Variants in DHX8 observed in about 807,000 individuals in gnomAD.
The protein encoded by DHX8 is ATP-dependent RNA helicase DHX8.
In DHX8, 67 loss-of-function variants were observed where a neutral mutation model predicts 140.7. The observed-to-expected ratio is 0.48, with a 90% CI of 0.39 to 0.58. The LOEUF (loss-of-function observed/expected upper bound fraction) is 0.58. DHX8 is among the 20% of genes least tolerant of loss of function. The pLI is 0.00. For missense variants in DHX8, 887 were observed against 1,550.7 expected, an observed-to-expected ratio of 0.57 and a Z score of 7.19; for synonymous variants, 533 against 553.2, an observed-to-expected ratio of 0.96 and a Z score of 0.51.
At chr17:43,533,828 T>G in intron 2 of DHX8, 1 of 1,604,958 alleles carries the variant, frequency 6.2e-7, no homozygotes, top group Non-Finnish European at 8.5e-7. Context: ...ACCCTTCTCC[T>G]ACCCTTCACC....
chr17:43,539,095 A>G (rs1971394215), intron 3 of DHX8, among the ~76,000 whole-genome samples: 1 of 152,190 alleles, frequency 6.6e-6, no homozygotes, highest in South Asian at 2.1e-4. Context: ...TAGGTGTCAC[A>G]GTGATCTTTT....
rs1969534389 is a variant in DHX8 at position 43,507,010 on chromosome 17, A to T, written c.1736A>T (p.His579Leu). The stretch of plus-strand genomic sequence containing the variant: ...ATATTCTGTTGCTTTCAGGCCGTCC[A>T]TGACAATCAGATCCTGATTGTCATT... Reference protein sequence around the residue: ...KLKEQLVQAVHDNQILIVIGE... With the variant: ...KLKEQLVQAVLDNQILIVIGE... The change falls in exon 13 of 23, where the codon CAT (histidine) becomes CTT (leucine). Residue 579 changes from histidine (H) to leucine (L), a missense_variant. His to Leu is a moderately conservative substitution (Grantham distance 99). Around this residue, in one of 9 missense-constraint regions of DHX8, gnomAD observed 178 missense variants for 398.5 expected, o/e 0.45. Transcript: ENST00000262415. 21 of 1,599,324 alleles carry T rather than the reference A, an allele frequency of 1.3e-5. No individual in the cohort carries two copies. Among genetic ancestry groups the T allele is most frequent in the Non-Finnish European group, 1.8e-5 (21 of 1,172,784 alleles).
intron 15 of DHX8, among the ~76,000 whole-genome samples, 157 bp downstream of exon 15, chr17:43,508,176 T>C (rs933543457): frequency 1.3e-5 from 2 of 152,220 alleles, no homozygotes; most frequent in Admixed American, 6.5e-5. Flanking sequence ...GAAATGATGG[T>C]GGTTATAATG....
At chr17:43,484,591 C>G (rs1344777247) in intron 1 of DHX8, among the ~76,000 whole-genome samples, 1 of 152,216 alleles carries the variant, frequency 6.6e-6, no homozygotes, top group African/African-American at 2.4e-5. Flanking sequence ...TCACGCCACT[C>G]TGTGACATAG....
intron 2 of DHX8, among the ~76,000 whole-genome samples, chr17:43,535,717 A>G (rs1421753221): frequency 1.3e-5 from 2 of 152,228 alleles, no homozygotes; most frequent in Admixed American, 6.5e-5. Context: ...AGACACCAGT[A>G]GCACCCCACC....
In DHX8 at chr17:43,506,197, G is replaced by A. The variant is rs542969371; in HGVS notation, c.1729-806G>A. On this transcript the variant is annotated intron_variant, in intron 12 of 22. Transcript: ENST00000262415. ...TTTTTTGTATTTTTTGTAGAGATGC[G>A]GTCTCACTATATTGTCCAGGCTGGT... 1.1e-4 allele frequency among the ~76,000 whole-genome samples: 17 copies of A among 151,834 alleles called. No individual in the cohort carries two copies. In the South Asian group the frequency reaches 2.5e-3, roughly 22 times the overall value.
At chr17:43,519,066 T>G (rs1970250626) in intron 18 of DHX8, 1 of 152,222 alleles carries the variant, frequency 6.6e-6, no homozygotes, top group South Asian at 2.1e-4. Flanking sequence ...CTGTGAACAT[T>G]AGTGTGCAGG....
chr17:43,530,607 CGCGTGTGTGTGTGTGTGT>C (rs1483448030), downstream of DHX8, among the ~76,000 whole-genome samples: 1 of 138,628 alleles, frequency 7.2e-6, no homozygotes, highest in African/African-American at 2.5e-5. Context: ...TGTGCACGCG[CGCGTGTGTGTGTGTGTGT>C]GTGTGTGTGT....
At chr17:43,505,435 G>T in intron 12 of DHX8, among the ~76,000 whole-genome samples, 1 of 151,824 alleles carries the variant, frequency 6.6e-6, no homozygotes, top group East Asian at 1.9e-4. Flanking sequence ...TGGGTGTGGT[G>T]GTCCATGCCT....
intron 16 of DHX8, among the ~76,000 whole-genome samples, chr17:43,512,638 C>T (rs1335064902): frequency 6.6e-6 from 1 of 152,146 alleles, no homozygotes; most frequent in Non-Finnish European, 1.5e-5. Context: ...AGCAGGGCTT[C>T]TGTAGTTCTG....
downstream of DHX8, chr17:43,528,985 C>T (rs1970736751): frequency 1.9e-5 from 16 of 840,208 alleles, no homozygotes; most frequent in Non-Finnish European, 3.1e-5. Context: ...GGAGGAGAAC[C>T]TTGGGATTCT....
In DHX8 at chr17:43,508,449, C is replaced by G; in HGVS notation, c.2431C>G (p.Pro811Ala). 1 of 1,613,842 alleles carries G rather than the reference C, an allele frequency of 6.2e-7. No individual in the cohort carries two copies. The highest frequency in any genetic ancestry group is 8.5e-7 in the Non-Finnish European group (1 of 1,179,904). Residue 811 changes from proline (P) to alanine (A), a missense_variant, in exon 16 of 23, where the codon CCA (proline) becomes GCA (alanine). Coordinates refer to ENST00000262415, the MANE Select transcript of DHX8 (RefSeq NM_004941.3). Reference protein sequence around the residue: ...GPDVPELIILPVYSALPSEMQ... With the variant: ...GPDVPELIILAVYSALPSEMQ... ...TGATGTTCCAGAGTTAATTATCCTC[C>G]CAGTGTACTCTGCTCTTCCCAGTGA...
chr17:43,509,914 C>T (rs1404139371), intron 16 of DHX8, among the ~76,000 whole-genome samples: 3 of 152,186 alleles, frequency 2.0e-5, no homozygotes, highest in Admixed American at 2.0e-4. Context: ...TGTGATCTGC[C>T]GGTCTCGGCC....
chr17:43,506,869 T>G (rs1969524647), intron 12 of DHX8, 134 bp from the exon 13 acceptor site: 2 of 599,578 alleles, frequency 3.3e-6, no homozygotes, highest in East Asian at 6.3e-5. Context: ...CCTCTTTTCT[T>G]TGGTGTTAGA....
At chr17:43,533,255 T>G (rs764396758) in intron 2 of DHX8, 2 of 1,613,716 alleles carry the variant, frequency 1.2e-6, no homozygotes, top group Non-Finnish European at 1.7e-6. Flanking sequence ...GGAAATTCCG[T>G]TGCTCTGCCC....
At chr17:43,512,840 A>G (rs1969919768) in intron 16 of DHX8, among the ~76,000 whole-genome samples, 1 of 152,204 alleles carries the variant, frequency 6.6e-6, no homozygotes, top group African/African-American at 2.4e-5. Flanking sequence ...GCAAACTGTG[A>G]AATTCCTGTG....
At chr17:43,496,468 A>G (rs1026295941) in intron 9 of DHX8, among the ~76,000 whole-genome samples, 200 bp downstream of exon 9, 10 of 152,208 alleles carry the variant, frequency 6.6e-5, no homozygotes, top group African/African-American at 2.4e-4. Context: ...TATTATTATT[A>G]TACCTGTTGC....
intron 3 of DHX8, among the ~76,000 whole-genome samples, chr17:43,543,720 G>C (rs1183043098): frequency 6.6e-6 from 1 of 152,122 alleles, no homozygotes; most frequent in African/African-American, 2.4e-5. Flanking sequence ...GCAGGGTCGG[G>C]GATGATGCAC....
chr17:43,534,100 C>T, intron 2 of DHX8: 2 of 1,158,900 alleles, frequency 1.7e-6, no homozygotes, highest in South Asian at 2.1e-5. Context: ...CAGCCTCCTT[C>T]CCTCTCTGGG....
Sources: gnomAD v4.1 joint callset for allele counts (sites outside exome capture counted in the v4.1 genomes callset) on GRCh38, gnomAD v4.1.1 for gene constraint, gnomAD v4.1.1 regional missense constraint, MANE v1.5 for transcripts, NCBI Gene and HGNC (gene_info 2026-07-23, HGNC 2026-07-21) for gene names.